Variants in COL5A2 observed in about 807,000 individuals in gnomAD.
The protein encoded by COL5A2 is collagen type V alpha 2 chain.
Under a neutral mutation model 208.2 loss-of-function variants are expected in COL5A2, and 23 were observed. The ratio of observed to expected loss-of-function variants is 0.11; its 90% CI spans 0.08 to 0.16. COL5A2 has a LOEUF of 0.16. Ranked by LOEUF, COL5A2 falls within the 10% of genes least tolerant of loss-of-function variation. COL5A2 has a pLI of 1.00. For missense variants in COL5A2, 1,590 were observed against 1,956.4 expected, an observed-to-expected ratio of 0.81 and a Z score of 3.53; for synonymous variants, 625 against 628.5, an observed-to-expected ratio of 0.99 and a Z score of 0.08.
At chr2:189,229,325 A>G (rs1442563991), upstream of COL5A2, among the ~76,000 whole-genome samples, 5 of 151,870 alleles carry the variant, frequency 3.3e-5, no homozygotes, top group African/African-American at 1.2e-4. Context: ...AGCAAGAAAA[A>G]GAAATAAAAG....
At chr2:189,222,868 T>C (rs974247583) in intron 1 of COL5A2, among the ~76,000 whole-genome samples, 2 of 152,156 alleles carry the variant, frequency 1.3e-5, no homozygotes, top group African/African-American at 2.4e-5. Flanking sequence ...GAAAAATAGA[T>C]CTCAAGACTA....
intron 1 of COL5A2, among the ~76,000 whole-genome samples, chr2:189,206,413 G>A (rs1321375547): frequency 2.0e-5 from 3 of 152,214 alleles, no homozygotes; most frequent in Non-Finnish European, 4.4e-5. Context: ...ATGCTTTCAT[G>A]CTACATGTGT....
chr2:189,329,952 C>T, the COL5A2 span, among the ~76,000 whole-genome samples: 1 of 151,444 alleles, frequency 6.6e-6, no homozygotes, highest in African/African-American at 2.4e-5. Flanking sequence ...GGAAAAAAAT[C>T]TTAATGATAC....
At chr2:189,063,838 A>C in intron 26 of COL5A2, 142 bp downstream of exon 26, 4 of 662,720 alleles carry the variant, frequency 6.0e-6, no homozygotes, top group South Asian at 2.1e-5. Flanking sequence ...GATCCTAAGA[A>C]TATGCTTCCA....
At chr2:189,034,871 A>G in intron 53 of COL5A2, 45 bp downstream of exon 53, 1 of 1,609,268 alleles carries the variant, frequency 6.2e-7, no homozygotes, top group South Asian at 1.1e-5. Context: ...AACAAAAATA[A>G]TTTTTTTTCC....
chr2:189,068,928 G>A (rs746647900), intron 18 of COL5A2, 44 bp from the exon 19 acceptor site: 1 of 1,306,018 alleles, frequency 7.7e-7, no homozygotes. Context: ...AAAAATACGA[G>A]AGTGGCATTG....
intron 45 of COL5A2, 22 bp from the exon 46 acceptor site, chr2:189,045,929 T>C (rs1341563139): frequency 1.9e-6 from 3 of 1,591,642 alleles, no homozygotes; most frequent in Admixed American, 1.7e-5. Context: ...AACCATGATA[T>C]TATTTTTTAA....
At chr2:189,120,450 G>T (rs866383665) in intron 1 of COL5A2, among the ~76,000 whole-genome samples, 2 of 152,102 alleles carry the variant, frequency 1.3e-5, no homozygotes, top group African/African-American at 4.8e-5. Context: ...CTACAACTAA[G>T]TCTGGGGAAC....
At chr2:189,048,639 A>G (rs1298013226) in intron 44 of COL5A2, among the ~76,000 whole-genome samples, 3 of 152,226 alleles carry the variant, frequency 2.0e-5, no homozygotes, top group Non-Finnish European at 4.4e-5. Context: ...TTGAAATAAA[A>G]TAACTGTTTC....
rs1229676370 is a variant in COL5A2 at position 189,189,684 on chromosome 2, G to A, written c.-42+35464C>T. On this transcript the variant is annotated intron_variant, in intron 1 of 10. Coordinates refer to the COL5A2 transcript ENST00000649966. Reference sequence around the variant, plus strand: ...AAAAGGAAAATATGTATGTGTGCATGTATATATATATATTTCATTTGAATT... The same window carrying A: ...AAAAGGAAAATATGTATGTGTGCATATATATATATATATTTCATTTGAATT... Among the ~76,000 whole-genome samples the A allele has an allele frequency of 6.6e-5, 10 of 150,778 alleles. No homozygotes were observed. The East Asian group carries it at 1.9e-3, about 29-fold the overall frequency.
intron 1 of COL5A2, among the ~76,000 whole-genome samples, chr2:189,197,458 T>C (rs1049438365): frequency 2.0e-5 from 3 of 151,990 alleles, no homozygotes. Flanking sequence ...AATAAAAAAT[T>C]AATTAATTAA....
intron 31 of COL5A2, among the ~76,000 whole-genome samples, chr2:189,059,737 C>T (rs1002247306): frequency 6.6e-6 from 1 of 151,562 alleles, no homozygotes; most frequent in African/African-American, 2.4e-5. Context: ...GCTGGGAATA[C>T]AGGCATGTGC....
intron 29 of COL5A2, 53 bp from the exon 30 acceptor site, chr2:189,061,668 T>A (rs1013760541): frequency 2.8e-5 from 37 of 1,313,518 alleles, no homozygotes; most frequent in Non-Finnish European, 4.0e-5. Context: ...TTTGTCTGCT[T>A]CCTCTCTACG....
Position 189,049,354 on chromosome 2 carries a change from C to T in COL5A2, c.3140G>A (p.Gly1047Glu). ...PGSNGPVGEP[G>E]PEGPAGNDGT... ...TTTCACTGTAGTACTCACTTCTGGT[C>T]CAGGTTCCCCTACAGGACCATTGGA... The change falls in exon 44 of 54, where the codon GGA becomes GAA. Residue 1047 changes from glycine (G) to glutamate (E), a missense_variant. By Grantham distance (98) the Gly-to-Glu change is moderately conservative. Transcript: ENST00000374866. The T allele has an allele frequency of 6.2e-7, 1 of 1,609,122 alleles. No individual in the cohort carries two copies. Among genetic ancestry groups the T allele is most frequent in the Non-Finnish European group, 8.5e-7 (1 of 1,176,418 alleles).
chr2:189,361,299 T>G, the COL5A2 span, among the ~76,000 whole-genome samples: 4 of 152,334 alleles, frequency 2.6e-5, no homozygotes, highest in Non-Finnish European at 5.9e-5. Context: ...CAGTGTTGGG[T>G]GCATATATAT....
chr2:189,398,911 C>CAATCTT, the COL5A2 span, among the ~76,000 whole-genome samples: 1 of 152,106 alleles, frequency 6.6e-6, no homozygotes, highest in Non-Finnish European at 1.5e-5. Flanking sequence ...TTACAATAAG[C>CAATCTT]AATCTTAATT....
chr2:189,247,419 T>G, the COL5A2 span, among the ~76,000 whole-genome samples: 2 of 152,048 alleles, frequency 1.3e-5, no homozygotes, highest in Non-Finnish European at 2.9e-5. Context: ...CCCTTCAAGA[T>G]TCACAACACA....
upstream of COL5A2, among the ~76,000 whole-genome samples, chr2:189,230,067 A>G (rs367839301): frequency 3.3e-5 from 5 of 151,970 alleles, no homozygotes; most frequent in East Asian, 5.8e-4. Flanking sequence ...GAAGGGTGCC[A>G]AGAATACATA....
chr2:189,112,158 C>T (rs996826443), intron 1 of COL5A2, among the ~76,000 whole-genome samples: 1 of 152,074 alleles, frequency 6.6e-6, no homozygotes, highest in Non-Finnish European at 1.5e-5. Flanking sequence ...TGCCCGGCCT[C>T]CTCATTGTAT....
Sources: gnomAD v4.1 joint callset for allele counts (sites outside exome capture counted in the v4.1 genomes callset) on GRCh38, gnomAD v4.1.1 for gene constraint, MANE v1.5 for transcripts, NCBI Gene and HGNC (gene_info 2026-07-23, HGNC 2026-07-21) for gene names.